Variants in TENM3 observed in about 807,000 individuals in gnomAD.
TENM3 encodes teneurin-3.
Under a neutral mutation model 255.1 loss-of-function variants are expected in TENM3, and 63 were observed. The ratio of observed to expected loss-of-function variants is 0.25; its 90% CI spans 0.20 to 0.30. TENM3 has a LOEUF of 0.30. Among genes scored for constraint, TENM3 ranks in the 10% least tolerant of loss-of-function variants. The pLI is 1.00. For missense variants in TENM3, 2,929 were observed against 3,461.1 expected, an observed-to-expected ratio of 0.85 and a Z score of 3.86; for synonymous variants, 1,306 against 1,322.3, an observed-to-expected ratio of 0.99 and a Z score of 0.27.
the TENM3 span, among the ~76,000 whole-genome samples, chr4:182,043,684 C>A: frequency 6.6e-6 from 1 of 152,098 alleles, no homozygotes; most frequent in Non-Finnish European, 1.5e-5. Context: ...GTGCACAGTT[C>A]TTATTACTAA....
Position 182,802,902 on chromosome 4 carries a change from ATT to A in TENM3, c.*2554_*2555del, listed in dbSNP as rs1385596304. 6.6e-6 allele frequency: 1 copy of A among 152,564 alleles called. No homozygotes were observed. The highest frequency in any genetic ancestry group is 2.4e-5 in the African/African-American group (1 of 41,412). The allele number at this position is 152,564 out of a possible 1,614,324, so 9.5% of individuals were successfully genotyped here. A position where few individuals can be genotyped will look rare whatever the true frequency, so the allele number is the denominator to read the frequency against. ...GCTTTCATGATATTTTGAGATGTAA[ATT>A]TTGTCTGATTTGTATTGTTCTTTTC... On this transcript the variant is annotated 3_prime_UTR_variant, in exon 28 of 28. Coordinates refer to ENST00000511685, the MANE Select transcript of TENM3 (RefSeq NM_001080477.4).
the TENM3 span, among the ~76,000 whole-genome samples, chr4:181,681,490 T>C: frequency 6.6e-6 from 1 of 152,112 alleles, no homozygotes; most frequent in South Asian, 2.1e-4. Flanking sequence ...CTGTTTTTGC[T>C]ACCCACAACT....
chr4:182,004,133 G>C, the TENM3 span, among the ~76,000 whole-genome samples: 1 of 152,016 alleles, frequency 6.6e-6, no homozygotes, highest in African/African-American at 2.4e-5. Flanking sequence ...TATATGTACA[G>C]AACGTGCAGG....
In TENM3 at chr4:182,681,828, C is replaced by A. The variant is rs1366269906; in HGVS notation, c.1849C>A (p.Pro617Thr). The A allele has an allele frequency of 6.2e-7, 1 of 1,612,844 alleles. No individual in the cohort carries two copies. The highest frequency in any genetic ancestry group is 1.7e-5 in the Admixed American group (1 of 59,920). The part of the protein sequence containing the change: ...ESCEEADCID[P>T]GCSNHGVCIH... ...CTTTACACCAGCTGACTGTATAGAC[C>A]CTGGGTGTTCTAATCATGGTGTGTG... Residue 617 changes from proline to threonine, a missense_variant, in exon 11 of 28, where the codon CCT becomes ACT. Transcript: ENST00000511685.
chr4:182,028,887 C>A, the TENM3 span, among the ~76,000 whole-genome samples: 3 of 152,090 alleles, frequency 2.0e-5, no homozygotes, highest in African/African-American at 7.2e-5. Flanking sequence ...TGAGAAAGAT[C>A]CATGTGCTGA....
the TENM3 span, among the ~76,000 whole-genome samples, chr4:182,046,499 T>A: frequency 6.6e-6 from 1 of 150,840 alleles, no homozygotes; most frequent in Non-Finnish European, 1.5e-5. Flanking sequence ...AGGTCAGGAG[T>A]CTGAGACCAG....
At chr4:181,819,267 C>A in the TENM3 span, among the ~76,000 whole-genome samples, 1 of 152,052 alleles carries the variant, frequency 6.6e-6, no homozygotes, top group African/African-American at 2.4e-5. Flanking sequence ...CCCCCCCAAT[C>A]GGCCTAGTCC....
intron 6 of TENM3, among the ~76,000 whole-genome samples, chr4:182,657,812 C>T (rs1025614010): frequency 2.0e-5 from 3 of 152,100 alleles, no homozygotes; most frequent in African/African-American, 7.2e-5. Flanking sequence ...GCACATGTCA[C>T]CATGCCTGGC....
chr4:181,922,098 T>A, the TENM3 span, among the ~76,000 whole-genome samples: 1 of 152,172 alleles, frequency 6.6e-6, no homozygotes, highest in East Asian at 1.9e-4. Flanking sequence ...TTGATCATGG[T>A]GGATAAGCTT....
chr4:182,179,161 AC>A (rs1256367765), intron 1 of TENM3, among the ~76,000 whole-genome samples: 1 of 152,106 alleles, frequency 6.6e-6, no homozygotes, highest in Non-Finnish European at 1.5e-5. Context: ...GCTTTTAAGG[AC>A]CCCTTTTATT....
At chr4:181,549,728 G>A in the TENM3 span, among the ~76,000 whole-genome samples, 4,160 of 152,116 alleles carry the variant, frequency 0.027, 109 homozygotes, top group African/African-American at 0.066. Context: ...GGATCCCCAC[G>A]ACCCATGCTT....
At chr4:181,581,194 A>G in the TENM3 span, among the ~76,000 whole-genome samples, 1 of 152,108 alleles carries the variant, frequency 6.6e-6, no homozygotes, top group Non-Finnish European at 1.5e-5. Context: ...TAATCCCAGC[A>G]CTTTGGGAGG....
the TENM3 span, among the ~76,000 whole-genome samples, chr4:181,904,577 AG>A: frequency 6.6e-6 from 1 of 152,224 alleles, no homozygotes; most frequent in African/African-American, 2.4e-5. Context: ...TAAGGCCTAA[AG>A]GGATGTGACC....
intron 16 of TENM3, among the ~76,000 whole-genome samples, chr4:182,734,128 C>A (rs1760990022): frequency 6.6e-6 from 1 of 152,148 alleles, no homozygotes; most frequent in Admixed American, 6.6e-5. Flanking sequence ...GATACAAGTT[C>A]AAAGGAGAGG....
the TENM3 span, among the ~76,000 whole-genome samples, chr4:181,795,966 C>A: frequency 1.3e-5 from 2 of 152,054 alleles, no homozygotes; most frequent in Admixed American, 1.3e-4. Context: ...ACTGTAGTAT[C>A]CAGACAAGAA....
rs527540648 is a variant in TENM3, at chr4:182,752,459, A to T, written c.3862+427A>T. Among the ~76,000 whole-genome samples the T allele has an allele frequency of 3.9e-5, 6 of 152,162 alleles. No homozygotes were observed. In the East Asian group the frequency reaches 1.2e-3, roughly 29 times the overall value. On this transcript the variant is annotated intron_variant, in intron 20 of 27. Transcript: ENST00000511685. ...CTGTGAGCCCTCACCCTCTTTGGAG[A>T]GCTGTGAAACTTTTGTTTCTATGCC... is the stretch of plus-strand genomic sequence containing the variant.
At chr4:181,452,809 A>G in the TENM3 span, among the ~76,000 whole-genome samples, 4 of 152,222 alleles carry the variant, frequency 2.6e-5, no homozygotes, top group Non-Finnish European at 4.4e-5. Context: ...AAAAGCAAAG[A>G]GGAAAGCATA....
chr4:182,030,920 A>C, the TENM3 span, among the ~76,000 whole-genome samples: 42 of 151,932 alleles, frequency 2.8e-4, no homozygotes, highest in Admixed American at 7.2e-4. Context: ...TTTTCTTGTA[A>C]ATTTGTTTAA....
chr4:182,366,719 A>G (rs1324212975), intron 3 of TENM3, among the ~76,000 whole-genome samples: 1 of 152,202 alleles, frequency 6.6e-6, no homozygotes, highest in Admixed American at 6.5e-5. Flanking sequence ...ATGCTAACTA[A>G]AAATAAATAT....
Sources: allele counts gnomAD v4.1 joint callset (sites outside exome capture counted in the v4.1 genomes callset), GRCh38; gene constraint gnomAD v4.1.1; transcripts MANE v1.5; gene names NCBI Gene and HGNC (gene_info 2026-07-23, HGNC 2026-07-21).